Variants in RNF130 observed in about 807,000 individuals in gnomAD.
The protein encoded by RNF130 is ring finger protein 130, also known as E3 ubiquitin-protein ligase RNF130.
Under a neutral mutation model 44.6 loss-of-function variants are expected in RNF130, and 21 were observed. That is an observed-to-expected ratio of 0.47 (90% CI 0.33 to 0.68). RNF130 has a LOEUF of 0.68. Ranked by LOEUF, RNF130 falls within the 30% of genes least tolerant of loss-of-function variation. The pLI, the probability that RNF130 is intolerant of heterozygous loss-of-function variation, is 0.02. For synonymous variants in RNF130, 214 were observed against 210.4 expected (o/e 1.02, Z -0.15); for missense variants, 479 against 560.6 (o/e 0.85, Z 1.47).
chr5:180,020,439 C>T (rs770199105), intron 2 of RNF130, among the ~76,000 whole-genome samples: 26 of 152,164 alleles, frequency 1.7e-4, no homozygotes, highest in Non-Finnish European at 3.5e-4. Context: ...CACCCACAGA[C>T]GCACAGCAAA....
chr5:179,970,322 G>T, intron 6 of RNF130, 88 bp downstream of exon 6: 1 of 965,586 alleles, frequency 1.0e-6, no homozygotes, highest in Non-Finnish European at 1.5e-6. Context: ...TCTTAGTCAT[G>T]CCTCCTATTA....
intron 7 of RNF130, among the ~76,000 whole-genome samples, chr5:179,926,755 G>C (rs911901521): frequency 2.6e-5 from 4 of 152,262 alleles, no homozygotes; most frequent in Non-Finnish European, 4.4e-5. Context: ...CTCATAGCCA[G>C]TTGGTCAGAA....
In RNF130 at chr5:179,978,244, C is replaced by T. The variant is rs1440275826; in HGVS notation, c.807G>A (p.Glu269=). The T allele has an allele frequency of 7.4e-6, 12 of 1,614,132 alleles. No homozygotes were observed. In the South Asian group the frequency reaches 1.3e-4, roughly 18 times the overall value. Residue 269 remains glutamate, a synonymous_variant, in exon 5 of 9, where the codon GAG becomes GAA. Transcript: ENST00000521389. The part of the protein sequence containing the change: ...PDFDHCAVCI[E]SYKQNDVVRI... ...GGACGACATCATTCTGCTTATAGCTCTCTATGCAGACTGCACAATGATCAA... is the reference window on the plus strand; with the variant it reads ...GGACGACATCATTCTGCTTATAGCTTTCTATGCAGACTGCACAATGATCAA...
intron 7 of RNF130, among the ~76,000 whole-genome samples, chr5:179,945,991 G>A (rs1043686822): frequency 6.6e-6 from 1 of 152,250 alleles, no homozygotes; most frequent in Non-Finnish European, 1.5e-5. Flanking sequence ...CCAGCTGTGA[G>A]TGACAGAAGC....
intron 2 of RNF130, among the ~76,000 whole-genome samples, chr5:180,033,292 T>G (rs1561700518): frequency 6.6e-6 from 1 of 152,234 alleles, no homozygotes; most frequent in Non-Finnish European, 1.5e-5. Context: ...GAGATTTTCT[T>G]GAATTTCTCT....
chr5:180,042,501 G>A (rs968819230), intron 1 of RNF130, among the ~76,000 whole-genome samples: 1 of 152,148 alleles, frequency 6.6e-6, no homozygotes, highest in African/African-American at 2.4e-5. Flanking sequence ...CACAGACGAT[G>A]CACTATAAAA....
Position 180,013,078 on chromosome 5 carries a change from C to T in RNF130, c.676G>A (p.Ala226Thr). The change falls in exon 3 of 9, where the codon GCA becomes ACA. Residue 226 changes from alanine to threonine, a missense_variant. This residue lies in a region of RNF130 where 180 missense variants were observed against 275.1 expected (regional missense o/e 0.65). Coordinates refer to ENST00000521389, the MANE Select transcript of RNF130 (RefSeq NM_018434.6). ...YFIQKIRYTN[A>T]RDRNQRRLGD... ...GAGCTCACCTGGTTCCTGTCGCGTG[C>T]ATTTGTGTACCTGATCTTCTGAATG... The T allele has an allele frequency of 6.2e-7, 1 of 1,613,588 alleles. No individual in the cohort carries two copies.
intron 3 of RNF130, among the ~76,000 whole-genome samples, chr5:179,997,833 G>C (rs1161945295): frequency 6.6e-6 from 1 of 151,616 alleles, no homozygotes; most frequent in Non-Finnish European, 1.5e-5. Flanking sequence ...TTCTGACTTT[G>C]GGTTTGCTTT....
intron 3 of RNF130, among the ~76,000 whole-genome samples, chr5:179,985,212 G>A (rs1024450916): frequency 8.5e-6 from 1 of 117,108 alleles, no homozygotes; most frequent in African/African-American, 3.3e-5. Context: ...TTCCTTGACT[G>A]GCTCTATCAT....
intron 7 of RNF130, among the ~76,000 whole-genome samples, chr5:179,965,232 C>T (rs1323118427): frequency 9.2e-5 from 14 of 152,180 alleles, no homozygotes; most frequent in Admixed American, 9.2e-4. Flanking sequence ...ACAGTGCCCC[C>T]CTGCAGCCGG....
downstream of RNF130, among the ~76,000 whole-genome samples, chr5:179,951,790 C>A (rs1225342513): frequency 6.6e-6 from 1 of 151,966 alleles, no homozygotes; most frequent in African/African-American, 2.4e-5. Flanking sequence ...TTTATGAACA[C>A]ATAGGATTCA....
At chr5:179,976,437 G>A (rs1196573246) in intron 5 of RNF130, among the ~76,000 whole-genome samples, 1 of 152,202 alleles carries the variant, frequency 6.6e-6, no homozygotes, top group African/African-American at 2.4e-5. Context: ...GTTGAAGCAG[G>A]CAAGTGTGGA....
downstream of RNF130, among the ~76,000 whole-genome samples, chr5:179,950,442 C>T (rs184305668): frequency 3.9e-5 from 6 of 152,250 alleles, no homozygotes; most frequent in East Asian, 3.9e-4. Flanking sequence ...TGATACTAAT[C>T]GTATTTCTGG....
intron 7 of RNF130, among the ~76,000 whole-genome samples, chr5:179,932,080 C>A (rs1761815820): frequency 6.6e-6 from 1 of 152,032 alleles, no homozygotes; most frequent in African/African-American, 2.4e-5. Flanking sequence ...CTTTGTTTCA[C>A]TTTAGTTAAA....
At chr5:179,983,576 A>G (rs1273097417) in intron 3 of RNF130, among the ~76,000 whole-genome samples, 1 of 152,182 alleles carries the variant, frequency 6.6e-6, no homozygotes, top group African/African-American at 2.4e-5. Context: ...GGTGTTAACC[A>G]TCCCACATTT....
At chr5:180,001,382 G>A (rs1220511093) in intron 3 of RNF130, among the ~76,000 whole-genome samples, 3 of 152,166 alleles carry the variant, frequency 2.0e-5, no homozygotes, top group Non-Finnish European at 4.4e-5. Context: ...TAGGCTCAGA[G>A]TCTCACAAAT....
chr5:179,945,014 G>T (rs146021859), intron 7 of RNF130, among the ~76,000 whole-genome samples: 258 of 152,298 alleles, frequency 1.7e-3, no homozygotes, highest in African/African-American at 6.0e-3. Flanking sequence ...GGTGGCTCAC[G>T]CCTATAATCC....
intron 3 of RNF130, among the ~76,000 whole-genome samples, chr5:180,010,040 G>A (rs1430412542): frequency 6.6e-6 from 1 of 152,044 alleles, no homozygotes; most frequent in Non-Finnish European, 1.5e-5. Flanking sequence ...AAGGTCAGGA[G>A]ATCGAGACCA....
At chr5:180,066,759 G>C (rs958485705) in intron 1 of RNF130, among the ~76,000 whole-genome samples, 8 of 152,080 alleles carry the variant, frequency 5.3e-5, no homozygotes, top group African/African-American at 1.9e-4. Flanking sequence ...GCGGAACCCG[G>C]GAGGTGGAGG....
Sources: gnomAD v4.1 joint callset for allele counts (sites outside exome capture counted in the v4.1 genomes callset) on GRCh38, gnomAD v4.1.1 for gene constraint, gnomAD v4.1.1 regional missense constraint, MANE v1.5 for transcripts, NCBI Gene and HGNC (gene_info 2026-07-23, HGNC 2026-07-21) for gene names.